Variants in F11 observed in about 807,000 individuals in gnomAD.
F11 encodes coagualtion factor XI.
F11 carries 78 observed loss-of-function variants against 76.5 expected under a neutral mutation model. That is an observed-to-expected ratio of 1.02 (90% confidence interval 0.85 to 1.23). The LOEUF (loss-of-function observed/expected upper bound fraction) is 1.23, where lower values mean the gene tolerates loss of function less well. Among genes scored for constraint, F11 ranks in the 50% most tolerant of loss-of-function variants. F11 has a pLI of 0.00. For missense variants in F11, 742 were observed against 771.4 expected (o/e 0.96, Z 0.45); for synonymous variants, 278 against 276.3 (o/e 1.01, Z -0.06).
chr4:186,276,512 A>C, intron 7 of F11, 122 bp downstream of exon 7: 1 of 1,152,132 alleles, frequency 8.7e-7, no homozygotes, highest in Non-Finnish European at 1.3e-6. Flanking sequence ...TAAAAGTTGC[A>C]AAGAATTTCT....
In F11 at chr4:186,287,545, C is replaced by A. The variant is rs1741292701; in HGVS notation, c.1577-139C>A. 1.9e-5 allele frequency: 5 copies of A among 261,592 alleles called. No individual in the cohort carries two copies. In the South Asian group the frequency reaches 5.3e-4, roughly 28 times the overall value. The allele number at this position is 261,592 out of a possible 1,614,324, so 16.2% of individuals were successfully genotyped here. On this transcript the variant is annotated intron_variant, in intron 13 of 14. Coordinates refer to ENST00000403665, the MANE Select transcript of F11 (RefSeq NM_000128.4). ...GTAGCAGTGAGCTGAGATTGCACCA[C>A]TGCACTCCAGCCTGGGCGACAGAAA...
intron 1 of F11, 90 bp from the exon 2 acceptor site, chr4:186,267,046 C>T: frequency 1.2e-6 from 1 of 831,262 alleles, no homozygotes. Flanking sequence ...ACTCCCCTCT[C>T]TCCCTATTTC....
At chr4:186,273,572 C>A (rs1055954580) in intron 4 of F11, among the ~76,000 whole-genome samples, 3 of 152,046 alleles carry the variant, frequency 2.0e-5, no homozygotes, top group Non-Finnish European at 2.9e-5. Context: ...CCTGCCTTAG[C>A]CTCTGGAGTA....
In F11 at chr4:186,273,102, G is replaced by A; in HGVS notation, c.250G>A (p.Glu84Lys). 2 of 1,613,866 alleles carry A rather than the reference G, an allele frequency of 1.2e-6. No homozygotes were observed. Among genetic ancestry groups the A allele is most frequent in the Non-Finnish European group, 1.7e-6 (2 of 1,179,836 alleles). ...FTCVLKDSVT[E>K]TLPRVNRTAA... Reference sequence around the variant, plus strand: ...TTGTGTCCTGAAAGACAGTGTTACAGAAACACTGCCAAGAGTGAATAGGAC... The same window carrying A: ...TTGTGTCCTGAAAGACAGTGTTACAAAAACACTGCCAAGAGTGAATAGGAC... The change falls in exon 4 of 15, where the codon GAA (glutamate) becomes AAA (lysine). Residue 84 changes from glutamate (E) to lysine (K), a missense_variant. By Grantham distance (56) the Glu-to-Lys change is moderately conservative. Transcript: ENST00000403665.
At chr4:186,279,950 C>A in intron 7 of F11, 62 bp from the exon 8 acceptor site, 1 of 1,237,786 alleles carries the variant, frequency 8.1e-7, no homozygotes, top group Non-Finnish European at 1.2e-6. Flanking sequence ...TCTCTAGGTG[C>A]TGTAAAAATG....
In F11 at chr4:186,275,845, G is replaced by T. The variant is rs371437683; in HGVS notation, c.544G>T (p.Asp182Tyr). The T allele has an allele frequency of 1.1e-5, 17 of 1,613,624 alleles. No individual in the cohort carries two copies. Among genetic ancestry groups the T allele is most frequent in the Non-Finnish European group, 1.4e-5 (17 of 1,179,754 alleles). The change falls in exon 6 of 15, where the codon GAT becomes TAT. Residue 182 changes from aspartate to tyrosine, a missense_variant. Asp to Tyr is a radical substitution (Grantham distance 160, BLOSUM62 -3). Coordinates refer to ENST00000403665, the MANE Select transcript of F11 (RefSeq NM_000128.4). The part of the protein sequence containing the change: ...TGTPTRITKL[D>Y]KVVSGFSLKS... ...GACACCAACCAGAATAACGAAGCTC[G>T]ATAAAGTGGTGTCTGGATTTTCACT...
chr4:186,267,084 T>C, intron 1 of F11, 52 bp from the exon 2 acceptor site: 1 of 1,192,570 alleles, frequency 8.4e-7, no homozygotes, highest in Non-Finnish European at 1.3e-6. Flanking sequence ...AGTAAACTAA[T>C]TATAAATTTA....
At chr4:186,287,238 T>C (rs928871008) in intron 13 of F11, among the ~76,000 whole-genome samples, 5 of 151,814 alleles carry the variant, frequency 3.3e-5, no homozygotes, top group Admixed American at 1.3e-4. Context: ...CCTTCCAAAG[T>C]GCTGGAATTA....
Position 186,275,773 on chromosome 4 carries a change from T to C in F11, c.486-14T>C, listed in dbSNP as rs1740315092. 2 of 1,586,988 alleles carry C rather than the reference T, an allele frequency of 1.3e-6. No individual in the cohort carries two copies. Among genetic ancestry groups the C allele is most frequent in the African/African-American group, 1.3e-5 (1 of 74,348 alleles). ...TGGAAGAATAAGACACTTTTCCTTT[T>C]TCTTTTTATTCAGTAACATTTGTCT... is the stretch of plus-strand genomic sequence containing the variant. On this transcript the variant is annotated splice_polypyrimidine_tract_variant and intron_variant, in intron 5 of 14. Coordinates refer to ENST00000403665, the MANE Select transcript of F11 (RefSeq NM_000128.4).
intron 3 of F11, among the ~76,000 whole-genome samples, 162 bp downstream of exon 3, chr4:186,271,933 C>T (rs568407256): frequency 6.6e-5 from 10 of 152,204 alleles, no homozygotes; most frequent in African/African-American, 9.6e-5. Flanking sequence ...ATGGTGTTTA[C>T]GCAATTTAGA....
downstream of F11, among the ~76,000 whole-genome samples, chr4:186,290,321 G>T (rs1458920667): frequency 6.6e-6 from 1 of 152,122 alleles, no homozygotes; most frequent in Non-Finnish European, 1.5e-5. Flanking sequence ...CAAAAATGCT[G>T]ACAGGTTCCC....
Position 186,267,365 on chromosome 4 carries a change from A to C in F11, c.55+174A>C, listed in dbSNP as rs572858134. Among the ~76,000 whole-genome samples, 220 of 152,298 alleles carry C rather than the reference A, an allele frequency of 1.4e-3. 1 individual carries two copies. The highest frequency in any genetic ancestry group is 2.6e-3 in the Non-Finnish European group (180 of 68,024). On this transcript the variant is annotated intron_variant, in intron 2 of 14. Transcript: ENST00000403665. ...AGCAGGGTAGGAATTGAGGTGAAAAAATTGTTTGTACTGGTAGGAATCTGT... is the reference window on the plus strand; with the variant it reads ...AGCAGGGTAGGAATTGAGGTGAAAACATTGTTTGTACTGGTAGGAATCTGT...
At chr4:186,283,116 C>A in intron 10 of F11, 1 of 857,772 alleles carries the variant, frequency 1.2e-6, no homozygotes, top group Non-Finnish European at 1.4e-6. Context: ...GAAAGAATTT[C>A]AGGACCCACA....
chr4:186,287,712 C>A lies in F11; in HGVS notation c.1605C>A (p.Ala535=), dbSNP rs765824383. 1 of 1,613,052 alleles carries A rather than the reference C, an allele frequency of 6.2e-7. No individual in the cohort carries two copies. The highest frequency in any genetic ancestry group is 1.3e-5 in the African/African-American group (1 of 74,852). The change falls in exon 14 of 15, where the codon GCC becomes GCA. Residue 535 remains alanine (A), a synonymous_variant. Coordinates refer to ENST00000403665, the MANE Select transcript of F11 (RefSeq NM_000128.4). Reference sequence around the variant, plus strand: ...AAATACAAAATACTCTCCAGAAAGCCAAGATACCCTTAGTGACCAACGAAG... The same window carrying A: ...AAATACAAAATACTCTCCAGAAAGCAAAGATACCCTTAGTGACCAACGAAG... The part of the protein sequence containing the change: ...RDKIQNTLQK[A]KIPLVTNEEC...
rs5964 is a variant in F11 at position 186,280,117 on chromosome 4, C to T, written c.861C>T (p.Ile287=). ...GTCTACAAAGCTGCAGGCACAGCAT[C>T]CCAGGTAAACTGAGAGTTCTGCATT... ...GFSLQSCRHS[I]PVFCHSSFYH... Residue 287 remains isoleucine (I), a synonymous_variant, in exon 8 of 15, where the codon ATC becomes ATT. Transcript: ENST00000403665. 1.5e-3 allele frequency: 2,453 copies of T among 1,614,088 alleles called. 3 individuals are homozygous for T. Among genetic ancestry groups the T allele is most frequent in the Non-Finnish European group, 1.9e-3 (2,246 of 1,179,940 alleles).
At chr4:186,273,049 T>C in intron 3 of F11, 22 bp from the exon 4 acceptor site, 2 of 1,440,310 alleles carry the variant, frequency 1.4e-6, no homozygotes, top group Non-Finnish European at 1.9e-6. Flanking sequence ...TATTCATTAA[T>C]ATGTATTTTT....
At chr4:186,283,687 T>C (rs1348559199) in intron 10 of F11, among the ~76,000 whole-genome samples, 1 of 152,220 alleles carries the variant, frequency 6.6e-6, no homozygotes, top group Non-Finnish European at 1.5e-5. Context: ...CACAGATGGC[T>C]GAGCTTCCAG....
rs1460052718 is a variant in F11, at chr4:186,276,403, C to G, written c.755+13C>G. 9 of 1,613,180 alleles carry G rather than the reference C, an allele frequency of 5.6e-6. No homozygotes were observed. The East Asian group carries it at 1.8e-4, about 32-fold the overall frequency. ...AAGAATCTCAAAGGTAAGGAGTTAA[C>G]AAGTAAGGATAATTTGTTATCTTCT... On this transcript the variant is annotated intron_variant, in intron 7 of 14. Transcript: ENST00000403665.
intron 7 of F11, among the ~76,000 whole-genome samples, chr4:186,276,639 T>G (rs1404530255): frequency 7.4e-6 from 1 of 135,402 alleles, no homozygotes; most frequent in Non-Finnish European, 1.5e-5. Flanking sequence ...CAGGCTGGAG[T>G]GCGGTGGCAT....
Sources: gnomAD v4.1 joint callset for allele counts (sites outside exome capture counted in the v4.1 genomes callset) on GRCh38, gnomAD v4.1.1 for gene constraint, MANE v1.5 for transcripts, NCBI Gene and HGNC (gene_info 2026-07-23, HGNC 2026-07-21) for gene names.